FRAS1: variants seen among roughly 807,000 people sequenced by gnomAD.
FRAS1 encodes extracellular matrix organizing protein FRAS1.
A neutral mutation model predicts 435.2 loss-of-function variants in FRAS1; 290 were observed. That is an observed-to-expected ratio of 0.67 (90% CI 0.61 to 0.73). The LOEUF (loss-of-function observed/expected upper bound fraction) is 0.73, where lower values mean the gene tolerates loss of function less well. Ranked by LOEUF, FRAS1 falls within the 30% of genes least tolerant of loss-of-function variation. The pLI, the probability that FRAS1 is intolerant of heterozygous loss-of-function variation, is 0.00. For synonymous variants in FRAS1, 1,800 were observed against 1,851.0 expected (o/e 0.97, Z 0.71); for missense variants, 4,860 against 5,001.5 (o/e 0.97, Z 0.85).
At chr4:78,233,354 T>C in intron 2 of FRAS1, among the ~76,000 whole-genome samples, 1 of 152,236 alleles carries the variant, frequency 6.6e-6, no homozygotes, top group Middle Eastern at 3.2e-3. Flanking sequence ...ACTCAACCTA[T>C]AGTTTCATTT....
Position 78,057,901 on chromosome 4 carries a change from C to A in FRAS1, c.-109C>A. On this transcript the variant is annotated 5_prime_UTR_variant, in exon 1 of 74. Transcript: ENST00000512123. This position sits in a 1 kb window ranked among gnomAD's most constrained non-coding sequence, Gnocchi z 4.2. Reference sequence around the variant, plus strand: ...TTTCCCGGAGGTAAAGGCCCGCGGTCCCCCACCTTCAGTGCGCCCGGGTTC... The same window carrying A: ...TTTCCCGGAGGTAAAGGCCCGCGGTACCCCACCTTCAGTGCGCCCGGGTTC... The A allele has an allele frequency of 1.0e-6, 1 of 963,750 alleles. No individual in the cohort carries two copies. The allele number at this position is 963,750 out of a possible 1,614,324, so 59.7% of individuals were successfully genotyped here.
intron 18 of FRAS1, 65 bp from the exon 19 acceptor site, chr4:78,333,207 T>G (rs1019734208): frequency 1.7e-4 from 254 of 1,529,216 alleles, no homozygotes; most frequent in Non-Finnish European, 2.1e-4. Flanking sequence ...ATGGGAGAGA[T>G]AGAGTTACTG....
chr4:78,511,168 A>G (rs958510865), intron 63 of FRAS1, 106 bp from the exon 64 acceptor site: 18 of 924,230 alleles, frequency 1.9e-5, no homozygotes, highest in Non-Finnish European at 2.8e-5. Context: ...GGAAAAATCA[A>G]TGGATGGGTG....
At chr4:78,373,699 C>T (rs1303950897) in intron 24 of FRAS1, among the ~76,000 whole-genome samples, 10 of 151,800 alleles carry the variant, frequency 6.6e-5, no homozygotes, top group Non-Finnish European at 2.9e-5. Context: ...CGCTTGAACC[C>T]GGGAGGCAGA....
chr4:78,472,293 G>A lies in FRAS1; in HGVS notation c.7485G>A (p.Lys2495=). 3 of 1,610,948 alleles carry A rather than the reference G, an allele frequency of 1.9e-6. No homozygotes were observed. Among genetic ancestry groups the A allele is most frequent in the Non-Finnish European group, 2.5e-6 (3 of 1,178,008 alleles). ...CTAAGCATGGCTTTGTGGAGAACAAGCTGCAGCCTGGCAGAGCTGCTGCCA... is the reference window on the plus strand; with the variant it reads ...CTAAGCATGGCTTTGTGGAGAACAAACTGCAGCCTGGCAGAGCTGCTGCCA... ...TGPKHGFVEN[K]LQPGRAAATF... Residue 2495 remains lysine, a synonymous_variant, in exon 52 of 74, where the codon AAG becomes AAA. Coordinates refer to ENST00000512123, the MANE Select transcript of FRAS1 (RefSeq NM_025074.7).
Position 78,432,408 on chromosome 4 carries a change from A to T in FRAS1, c.5021A>T (p.His1674Leu). 1.2e-6 allele frequency: 2 copies of T among 1,611,128 alleles called. No homozygotes were observed. Among genetic ancestry groups the T allele is most frequent in the Non-Finnish European group, 1.7e-6 (2 of 1,178,510 alleles). Residue 1674 changes from histidine (H) to leucine (L), a missense_variant, in exon 38 of 74, where the codon CAT becomes CTT. Coordinates refer to ENST00000512123, the MANE Select transcript of FRAS1 (RefSeq NM_025074.7). Reference sequence around the variant, plus strand: ...GAGAAAAATGCTCTACAGTATATACATGATGGTTCCTCTACCCGGGAAGAC... The same window carrying T: ...GAGAAAAATGCTCTACAGTATATACTTGATGGTTCCTCTACCCGGGAAGAC... Reference protein sequence around the residue: ...DVEKNALQYIHDGSSTREDSM... With the variant: ...DVEKNALQYILDGSSTREDSM...
chr4:78,067,469 AG>A (rs1369884085), intron 2 of FRAS1, among the ~76,000 whole-genome samples: 1 of 152,012 alleles, frequency 6.6e-6, no homozygotes, highest in African/African-American at 2.4e-5. Flanking sequence ...TCAAGTTAAA[AG>A]GAGAAACAGC....
chr4:78,292,587 C>G (rs889577854), intron 14 of FRAS1, among the ~76,000 whole-genome samples: 1 of 152,150 alleles, frequency 6.6e-6, no homozygotes, highest in Non-Finnish European at 1.5e-5. Context: ...TTTAATGGGT[C>G]TTGGTGTTGT....
In FRAS1 at chr4:78,067,854, C is replaced by G. The variant is rs1740126156; in HGVS notation, c.108+1838C>G. 4.2e-5 allele frequency among the ~76,000 whole-genome samples: 6 copies of G among 143,676 alleles called. No individual in the cohort carries two copies. In the Admixed American group the frequency reaches 4.3e-4, roughly 10 times the overall value. 94.3% of individuals were successfully genotyped at this position (143,676 alleles called of 152,430 possible). A position where few individuals can be genotyped will look rare whatever the true frequency, so the allele number is the denominator to read the frequency against. On this transcript the variant is annotated intron_variant, in intron 2 of 73. Transcript: ENST00000512123. ...GACTACAGCTGCACACCACCACACCCAGCCAATTTTTTTTTTTTTTTGTAT... is the reference window on the plus strand; with the variant it reads ...GACTACAGCTGCACACCACCACACCGAGCCAATTTTTTTTTTTTTTTGTAT...
At position 78,318,883 on chromosome 4, in the gene FRAS1, A is replaced by G. The variant is rs1729382458; in HGVS notation, c.2034A>G (p.Glu678=). The change falls in exon 18 of 74, where the codon GAA becomes GAG. Residue 678 remains glutamate (E), a synonymous_variant. Coordinates refer to ENST00000512123, the MANE Select transcript of FRAS1 (RefSeq NM_025074.7). ...SHCTGCKKPE[E]GLQVEQLSDV... is the part of the protein sequence containing the mutation. The stretch of plus-strand genomic sequence containing the variant: ...GTACTGGGTGTAAGAAGCCAGAGGA[A>G]GGACTGCAAGTGGAGCAGCTGTCTG... 6.2e-7 allele frequency: 1 copy of G among 1,613,906 alleles called. No individual in the cohort carries two copies. Among genetic ancestry groups the G allele is most frequent in the African/African-American group, 1.3e-5 (1 of 74,942 alleles).
At chr4:78,105,014 G>C (rs1484485416) in intron 2 of FRAS1, among the ~76,000 whole-genome samples, 1 of 152,132 alleles carries the variant, frequency 6.6e-6, no homozygotes, top group Non-Finnish European at 1.5e-5. Context: ...ATATTCATTA[G>C]TAGTTTGGTT....
intron 2 of FRAS1, among the ~76,000 whole-genome samples, chr4:78,135,068 G>A (rs1263836047): frequency 6.6e-6 from 1 of 152,160 alleles, no homozygotes; most frequent in African/African-American, 2.4e-5. Flanking sequence ...TCATGGGGCT[G>A]ACTGTGTATT....
chr4:78,387,705 G>T lies in FRAS1; in HGVS notation c.3975+4G>T. 1 of 1,502,584 alleles carries T rather than the reference G, an allele frequency of 6.7e-7. No individual in the cohort carries two copies. Among genetic ancestry groups the T allele is most frequent in the South Asian group, 1.4e-5 (1 of 69,116 alleles). 93.1% of individuals were successfully genotyped at this position (1,502,584 alleles called of 1,614,324 possible). A position where few individuals can be genotyped will look rare whatever the true frequency, so the allele number is the denominator to read the frequency against. ...CCAAGTGAAGACCGTGCCTCAGGTA[G>T]GTGTCATTCCTAGAGTTACAGTTTC... On this transcript the variant is annotated splice_donor_region_variant and intron_variant, in intron 29 of 73. Transcript: ENST00000512123.
At chr4:78,149,002 C>G (rs1238976734) in intron 2 of FRAS1, among the ~76,000 whole-genome samples, 3 of 152,112 alleles carry the variant, frequency 2.0e-5, no homozygotes, top group Non-Finnish European at 4.4e-5. Context: ...AATTCATAGT[C>G]TTTCTTTGGG....
At chr4:78,380,290 C>T (rs902806599) in intron 27 of FRAS1, among the ~76,000 whole-genome samples, 2 of 152,282 alleles carry the variant, frequency 1.3e-5, no homozygotes, top group Admixed American at 6.5e-5. Flanking sequence ...AGAAACAAAA[C>T]TGGTCATATA....
At chr4:78,260,763 G>A (rs987351702) in intron 6 of FRAS1, among the ~76,000 whole-genome samples, 1 of 152,216 alleles carries the variant, frequency 6.6e-6, no homozygotes, top group South Asian at 2.1e-4. Context: ...GGTGAGAGAG[G>A]GCATCCCTGT....
intron 2 of FRAS1, among the ~76,000 whole-genome samples, chr4:78,209,270 CA>C (rs2110083162): frequency 6.6e-6 from 1 of 152,294 alleles, no homozygotes; most frequent in African/African-American, 2.4e-5. Context: ...GTCCATGCTC[CA>C]AAAGCACCAC....
chr4:78,324,474 A>G (rs2110245699), intron 18 of FRAS1, among the ~76,000 whole-genome samples: 1 of 152,306 alleles, frequency 6.6e-6, no homozygotes, highest in Admixed American at 6.5e-5. Flanking sequence ...ACACACGAAC[A>G]CACATACATG....
intron 1 of FRAS1, among the ~76,000 whole-genome samples, chr4:78,060,979 T>C (rs960949514): frequency 6.6e-6 from 1 of 152,090 alleles, no homozygotes; most frequent in African/African-American, 2.4e-5. Flanking sequence ...CCTGAGTAGC[T>C]GGGATTACAG....
Sources: allele counts gnomAD v4.1 joint callset (sites outside exome capture counted in the v4.1 genomes callset), GRCh38; gene constraint gnomAD v4.1.1; non-coding constraint Gnocchi (gnomAD v3.1); transcripts MANE v1.5; gene names NCBI Gene and HGNC (gene_info 2026-07-23, HGNC 2026-07-21).